UBR4: variants seen among roughly 807,000 people sequenced by gnomAD.
UBR4 encodes ubiquitin protein ligase E3 component n-recognin 4, also known as E3 ubiquitin-protein ligase UBR4.
A neutral mutation model predicts 575.6 loss-of-function variants in UBR4; 124 were observed. That is an observed-to-expected ratio of 0.22 (90% CI 0.19 to 0.25). The LOEUF (loss-of-function observed/expected upper bound fraction) is 0.25. Among genes scored for constraint, UBR4 ranks in the 10% least tolerant of loss-of-function variants. UBR4 has a pLI of 1.00. For synonymous variants in UBR4, 2,455 were observed against 2,473.7 expected (o/e 0.99, Z 0.22); for missense variants, 4,818 against 6,478.8 (o/e 0.74, Z 8.80).
chr1:19,159,079 G>C (rs1397838998), intron 39 of UBR4, among the ~76,000 whole-genome samples: 2 of 152,188 alleles, frequency 1.3e-5, no homozygotes, highest in African/African-American at 4.8e-5. Context: ...CAGTGAGGCG[G>C]AAGTCGCAGT....
Position 19,167,402 on chromosome 1 carries a change from T to C in UBR4, c.3900-171A>G, listed in dbSNP as rs185181210. Among the ~76,000 whole-genome samples the C allele has an allele frequency of 2.6e-5, 4 of 152,380 alleles. No homozygotes were observed. The East Asian group carries it at 7.7e-4, about 29-fold the overall frequency. On this transcript the variant is annotated intron_variant, in intron 28 of 105. Transcript: ENST00000375254. ...GCTATTTTATACACAGGTATCATCATACAATTTCATATTCTTCTTTTTCAT... is the reference window on the plus strand; with the variant it reads ...GCTATTTTATACACAGGTATCATCACACAATTTCATATTCTTCTTTTTCAT...
rs1315513847 is a variant in UBR4, at chr1:19,129,006, C to T, written c.8975G>A (p.Gly2992Asp). ...LQTLPQLRNV[G>D]GVRAIPYMQV... ...CATGTATGGGATGGCCCGGACACCGCCAACGTTTCGTAATTGAGGCAGGGT... is the reference window on the plus strand; with the variant it reads ...CATGTATGGGATGGCCCGGACACCGTCAACGTTTCGTAATTGAGGCAGGGT... Residue 2992 changes from glycine (G) to aspartate (D), a missense_variant, in exon 61 of 106, where the codon GGC becomes GAC. Coordinates refer to ENST00000375254, the MANE Select transcript of UBR4 (RefSeq NM_020765.3). 1 of 1,614,062 alleles carries T rather than the reference C, an allele frequency of 6.2e-7. No individual in the cohort carries two copies. Among genetic ancestry groups the T allele is most frequent in the Non-Finnish European group, 8.5e-7 (1 of 1,179,994 alleles).
At chr1:19,092,995 G>C in intron 96 of UBR4, 77 bp from the exon 97 acceptor site, 1 of 1,324,898 alleles carries the variant, frequency 7.5e-7, no homozygotes, top group South Asian at 1.3e-5. Flanking sequence ...ACTCTGGCTT[G>C]TTTAAACCCC....
In UBR4 at chr1:19,210,227, C is replaced by G. The variant is rs766017140; in HGVS notation, c.22G>C (p.Glu8Gln). The G allele has an allele frequency of 1.4e-6, 2 of 1,433,464 alleles. No homozygotes were observed. The highest frequency in any genetic ancestry group is 1.8e-6 in the Non-Finnish European group (2 of 1,096,464). 88.8% of individuals were successfully genotyped at this position (1,433,464 alleles called of 1,614,324 possible). Residue 8 changes from glutamate to glutamine, a missense_variant, in exon 1 of 106, where the codon GAG becomes CAG. Glu to Gln is a conservative substitution (Grantham distance 29). Coordinates refer to ENST00000375254, the MANE Select transcript of UBR4 (RefSeq NM_020765.3). The part of the protein sequence containing the change: MATSGGE[E>Q]AAAAAPAPGT... ...GGCGCCGGAGCCGCTGCCGCCGCCT[C>G]TTCGCCGCCGCTCGTCGCCATCTTC...
At chr1:19,177,007 T>C (rs968322437) in intron 19 of UBR4, among the ~76,000 whole-genome samples, 2 of 152,238 alleles carry the variant, frequency 1.3e-5, no homozygotes, top group South Asian at 2.1e-4. Context: ...ATAAAGGGTA[T>C]AGTGCTCAAT....
chr1:19,168,326 T>C, intron 27 of UBR4, 142 bp from the exon 28 acceptor site: 2 of 731,928 alleles, frequency 2.7e-6, no homozygotes, highest in South Asian at 4.6e-5. Flanking sequence ...CTGTTATTCA[T>C]GCTGGGAAGG....
intron 60 of UBR4, among the ~76,000 whole-genome samples, chr1:19,133,048 T>G (rs1263456597): frequency 6.6e-6 from 1 of 152,178 alleles, no homozygotes; most frequent in African/African-American, 2.4e-5. Context: ...GAAATAATAC[T>G]AATCTTATAC....
At chr1:19,118,791 T>C (rs1031503450) in intron 71 of UBR4, 81 bp downstream of exon 71, 4 of 1,413,000 alleles carry the variant, frequency 2.8e-6, no homozygotes, top group Non-Finnish European at 4.0e-6. Flanking sequence ...TCAATTCCTA[T>C]GTAAGAGCCT....
rs764504096 is a variant in UBR4 at position 19,198,836 on chromosome 1, G to A, written c.471C>T (p.Ser157=). 50 of 1,614,098 alleles carry A rather than the reference G, an allele frequency of 3.1e-5. No individual in the cohort carries two copies. Among genetic ancestry groups the A allele is most frequent in the East Asian group, 6.7e-5 (3 of 44,908 alleles). ...EIITFTAMMK[S]AKLPQTVKTL... ...TCTTCACTGTTTGGGGCAGCTTGGC[G>A]GATTTCATCATTGCTGTAAATGTGA... The change falls in exon 4 of 106, where the codon TCC becomes TCT. Residue 157 remains serine, a synonymous_variant. Coordinates refer to ENST00000375254, the MANE Select transcript of UBR4 (RefSeq NM_020765.3).
In UBR4 at chr1:19,112,940, T is replaced by C. The variant is rs189790999; in HGVS notation, c.11458-73A>G. The C allele has an allele frequency of 5.6e-4, 831 of 1,480,862 alleles. 4 individuals are homozygous for C. In the African/African-American group the frequency reaches 0.011, roughly 19 times the overall value. 91.7% of individuals were successfully genotyped at this position (1,480,862 alleles called of 1,614,324 possible). A position where few individuals can be genotyped will look rare whatever the true frequency, so the allele number is the denominator to read the frequency against. On this transcript the variant is annotated intron_variant, in intron 77 of 105. Coordinates refer to ENST00000375254, the MANE Select transcript of UBR4 (RefSeq NM_020765.3). ...AAGAGGATGTTAATTAGAAAATTAG[T>C]TTTGCTTTAGAAAAAACTTTACATG...
At chr1:19,149,386 G>A (rs1419087171) in intron 49 of UBR4, among the ~76,000 whole-genome samples, 2 of 152,154 alleles carry the variant, frequency 1.3e-5, no homozygotes, top group African/African-American at 4.8e-5. Flanking sequence ...AAAGAACTAG[G>A]GAAGAGGAAA....
chr1:19,157,941 A>G lies in UBR4; in HGVS notation c.5634T>C (p.Ser1878=), dbSNP rs2086677974. 1 of 1,614,086 alleles carries G rather than the reference A, an allele frequency of 6.2e-7. No individual in the cohort carries two copies. Among genetic ancestry groups the G allele is most frequent in the Non-Finnish European group, 8.5e-7 (1 of 1,180,024 alleles). Residue 1878 remains serine, a synonymous_variant, in exon 40 of 106, where the codon AGT becomes AGC. Coordinates refer to ENST00000375254, the MANE Select transcript of UBR4 (RefSeq NM_020765.3). This position sits in a 1 kb window ranked among gnomAD's most constrained non-coding sequence, Gnocchi z 4.4. ...GAFENVRMNY[S]GDQGQTIRQL... is the part of the protein sequence containing the mutation. Reference sequence around the variant, plus strand: ...GCCGGATGGTCTGGCCCTGGTCTCCACTGTAATTCATCCGCACATTCTCAA... The same window carrying G: ...GCCGGATGGTCTGGCCCTGGTCTCCGCTGTAATTCATCCGCACATTCTCAA...
At chr1:19,108,053 T>A (rs1218508718) in intron 81 of UBR4, among the ~76,000 whole-genome samples, 1 of 152,322 alleles carries the variant, frequency 6.6e-6, no homozygotes, top group Admixed American at 6.5e-5. Flanking sequence ...TTTGGCCTCA[T>A]ACAGATATAC....
At chr1:19,159,415 G>A (rs991942123) in intron 39 of UBR4, among the ~76,000 whole-genome samples, 2 of 152,058 alleles carry the variant, frequency 1.3e-5, no homozygotes, top group African/African-American at 4.8e-5. Flanking sequence ...ACATTATTTT[G>A]TAAGTTAGAT....
chr1:19,125,187 T>C (rs978544001), intron 64 of UBR4, among the ~76,000 whole-genome samples: 5 of 152,084 alleles, frequency 3.3e-5, no homozygotes, highest in Non-Finnish European at 5.9e-5. Context: ...CAGAGGTAAA[T>C]GAGAGATGTG....
intron 33 of UBR4, 83 bp from the exon 34 acceptor site, chr1:19,163,910 T>G (rs569856557): frequency 1.4e-6 from 2 of 1,428,338 alleles, no homozygotes; most frequent in African/African-American, 1.4e-5. Flanking sequence ...TTCATTAACT[T>G]TGAATCAATC....
chr1:19,104,844 A>AAAAACTGTAAACAGT (rs1553150008), intron 85 of UBR4, 178 bp from the exon 86 acceptor site: 69 of 1,102,394 alleles, frequency 6.3e-5, no homozygotes, highest in Non-Finnish European at 8.4e-5. Context: ...GGGATTGCTT[A>AAAAACTGTAAACAGT]AAAACTGTAA....
chr1:19,170,857 T>C lies in UBR4; in HGVS notation c.3548A>G (p.Glu1183Gly). 2 of 1,614,164 alleles carry C rather than the reference T, an allele frequency of 1.2e-6. No individual in the cohort carries two copies. The highest frequency in any genetic ancestry group is 2.2e-5 in the East Asian group (1 of 44,872). Residue 1183 changes from glutamate (E) to glycine (G), a missense_variant, in exon 26 of 106, where the codon GAA (glutamate) becomes GGA (glycine). Glu to Gly is a moderately conservative substitution (Grantham distance 98). This residue lies in a region of UBR4 where 1,172 missense variants were observed against 1,259.7 expected (regional missense o/e 0.93). Coordinates refer to ENST00000375254, the MANE Select transcript of UBR4 (RefSeq NM_020765.3). ...TRAYLLQNFN[E>G]EGTTEKPSKE... ...GGAAGGTTTCTCAGTTGTTCCCTCTTCATTAAAGTTTTGCAGCAAATAGGC... is the reference window on the plus strand; with the variant it reads ...GGAAGGTTTCTCAGTTGTTCCCTCTCCATTAAAGTTTTGCAGCAAATAGGC...
intron 25 of UBR4, among the ~76,000 whole-genome samples, chr1:19,172,274 T>C (rs1024964934): frequency 6.6e-6 from 1 of 151,986 alleles, no homozygotes; most frequent in Non-Finnish European, 1.5e-5. Flanking sequence ...CCCAGCACTT[T>C]GGGAGGCTGA....
Sources: allele counts gnomAD v4.1 joint callset (sites outside exome capture counted in the v4.1 genomes callset), GRCh38; gene constraint gnomAD v4.1.1; regional missense constraint gnomAD v4.1.1; non-coding constraint Gnocchi (gnomAD v3.1); transcripts MANE v1.5; gene names NCBI Gene and HGNC (gene_info 2026-07-23, HGNC 2026-07-21).